MRTFB: variants seen among roughly 807,000 people sequenced by gnomAD.
MRTFB encodes the protein myocardin-related transcription factor B.
A neutral mutation model predicts 104.2 loss-of-function variants in MRTFB; 29 were observed. The ratio of observed to expected loss-of-function variants is 0.28; its 90% CI spans 0.21 to 0.38. MRTFB has a LOEUF of 0.38. Ranked by LOEUF, MRTFB falls within the 10% of genes least tolerant of loss-of-function variation. The pLI is 1.00. For missense variants in MRTFB, 1,270 were observed against 1,341.6 expected, an observed-to-expected ratio of 0.95 and a Z score of 0.83; for synonymous variants, 535 against 519.5, an observed-to-expected ratio of 1.03 and a Z score of -0.41.
At chr16:14,135,624 T>G (rs993416350) in intron 2 of MRTFB, among the ~76,000 whole-genome samples, 5 of 152,244 alleles carry the variant, frequency 3.3e-5, no homozygotes, top group Non-Finnish European at 5.9e-5. Context: ...ATATTTGAAT[T>G]TATTCCTGTT....
intron 3 of MRTFB, among the ~76,000 whole-genome samples, chr16:14,163,683 A>G (rs1021260243): frequency 3.4e-4 from 52 of 152,132 alleles, no homozygotes; most frequent in African/African-American, 1.2e-3. Flanking sequence ...AATACAAAAA[A>G]TTAGCCAGGT....
chr16:14,069,484 A>G (rs1451268638), upstream of MRTFB, among the ~76,000 whole-genome samples: 3 of 152,048 alleles, frequency 2.0e-5, no homozygotes, highest in Admixed American at 1.3e-4. Context: ...TTATGAATCT[A>G]TATAGTTTTT....
the MRTFB span, among the ~76,000 whole-genome samples, chr16:14,055,526 C>G: frequency 6.6e-6 from 1 of 152,200 alleles, no homozygotes; most frequent in Non-Finnish European, 1.5e-5. Context: ...AATTCTTCAG[C>G]CTTTTCCTTG....
chr16:14,085,530 T>C (rs2034656147), intron 2 of MRTFB, among the ~76,000 whole-genome samples: 2 of 151,388 alleles, frequency 1.3e-5, no homozygotes, highest in Admixed American at 1.3e-4. Flanking sequence ...TACTTTAATA[T>C]TGATGCTTTT....
the MRTFB span, among the ~76,000 whole-genome samples, chr16:14,028,331 T>C: frequency 2.6e-5 from 4 of 152,224 alleles, no homozygotes; most frequent in East Asian, 3.9e-4. Flanking sequence ...CAGCTCGAGT[T>C]ACCCCTCCCC....
the MRTFB span, among the ~76,000 whole-genome samples, chr16:14,021,482 G>A: frequency 2.0e-5 from 3 of 152,136 alleles, no homozygotes; most frequent in Admixed American, 2.0e-4. Flanking sequence ...ACATGAGTAA[G>A]TTCTTTAGTG....
rs1360417960 is a variant in MRTFB at position 14,262,395 on chromosome 16, A to T, written c.*951A>T. ...ACTTTCAGGTAACCAGACCCATCTC[A>T]AAGAACCAAGAAAAGGCTTTAGCAT... is the stretch of plus-strand genomic sequence containing the variant. On this transcript the variant is annotated 3_prime_UTR_variant, in exon 17 of 17. Transcript: ENST00000571589. 1 of 152,204 alleles carries T rather than the reference A, an allele frequency of 6.6e-6. No homozygotes were observed. Among genetic ancestry groups the T allele is most frequent in the Non-Finnish European group, 1.5e-5 (1 of 68,032 alleles). 9.4% of individuals were successfully genotyped at this position (152,204 alleles called of 1,614,324 possible).
At chr16:14,026,589 G>T in the MRTFB span, among the ~76,000 whole-genome samples, 1 of 152,088 alleles carries the variant, frequency 6.6e-6, no homozygotes. Context: ...TAATGAAAGA[G>T]CCAGTCAAAA....
intron 3 of MRTFB, among the ~76,000 whole-genome samples, chr16:14,197,627 T>G (rs1004193616): frequency 6.6e-6 from 1 of 152,194 alleles, no homozygotes; most frequent in Admixed American, 6.5e-5. Flanking sequence ...CCATGCAAAT[T>G]TAAGTAAAAC....
chr16:14,051,057 C>T, the MRTFB span, among the ~76,000 whole-genome samples: 2 of 152,128 alleles, frequency 1.3e-5, no homozygotes, highest in Non-Finnish European at 2.9e-5. Flanking sequence ...TGATTTCCAA[C>T]ACACACACAA....
At chr16:14,058,338 G>T in the MRTFB span, among the ~76,000 whole-genome samples, 1 of 152,168 alleles carries the variant, frequency 6.6e-6, no homozygotes, top group African/African-American at 2.4e-5. Context: ...ACTACAAGTA[G>T]CTACAAGGGC....
chr16:14,108,687 G>A (rs2036122193), intron 2 of MRTFB, among the ~76,000 whole-genome samples: 1 of 152,168 alleles, frequency 6.6e-6, no homozygotes, highest in Non-Finnish European at 1.5e-5. Context: ...TTTTTAAAGA[G>A]AATACTCAGT....
chr16:14,016,497 G>A, the MRTFB span, among the ~76,000 whole-genome samples: 4 of 152,078 alleles, frequency 2.6e-5, no homozygotes, highest in Non-Finnish European at 2.9e-5. Flanking sequence ...CCTAGGCTGG[G>A]CGCGGTGGCT....
intron 1 of MRTFB, among the ~76,000 whole-genome samples, chr16:14,077,615 A>G (rs2034141384): frequency 6.6e-6 from 1 of 151,824 alleles, no homozygotes; most frequent in Admixed American, 6.6e-5. Context: ...AATCAAGATC[A>G]TGTTAAGTTT....
intron 8 of MRTFB, among the ~76,000 whole-genome samples, chr16:14,223,014 A>G (rs1417107548): frequency 6.6e-6 from 1 of 151,190 alleles, no homozygotes; most frequent in East Asian, 2.0e-4. Flanking sequence ...AATCCCATTT[A>G]AAAAAAACAA....
intron 3 of MRTFB, among the ~76,000 whole-genome samples, chr16:14,185,332 A>G (rs1187507247): frequency 6.6e-6 from 1 of 152,208 alleles, no homozygotes; most frequent in East Asian, 1.9e-4. Context: ...AGAATACTTC[A>G]TCCAGACCCA....
chr16:14,151,138 T>C (rs958660445), intron 3 of MRTFB: 1 of 152,234 alleles, frequency 6.6e-6, no homozygotes, highest in Non-Finnish European at 1.5e-5. Context: ...CAATATCCAC[T>C]ACAGTTGATT....
intron 8 of MRTFB, among the ~76,000 whole-genome samples, chr16:14,232,288 T>C (rs934827506): frequency 1.3e-5 from 2 of 152,232 alleles, no homozygotes; most frequent in Non-Finnish European, 2.9e-5. Context: ...CTGTGAACAC[T>C]GACCCAGAGA....
At chr16:14,060,982 T>C in the MRTFB span, among the ~76,000 whole-genome samples, 1 of 152,052 alleles carries the variant, frequency 6.6e-6, no homozygotes, top group East Asian at 1.9e-4. Flanking sequence ...CTGTCTCTAC[T>C]AAAAATACAA....
Sources: gnomAD v4.1 joint callset for allele counts (sites outside exome capture counted in the v4.1 genomes callset) on GRCh38, gnomAD v4.1.1 for gene constraint, MANE v1.5 for transcripts, NCBI Gene and HGNC (gene_info 2026-07-23, HGNC 2026-07-21) for gene names.